LIMCH1: variants seen among roughly 807,000 people sequenced by gnomAD.
LIMCH1 encodes the protein LIM and calponin homology domains 1, also known as LIM and calponin homology domains-containing protein 1.
Under a neutral mutation model 176.5 loss-of-function variants are expected in LIMCH1, and 113 were observed. The observed-to-expected ratio is 0.64, with a 90% CI of 0.55 to 0.75. The LOEUF (loss-of-function observed/expected upper bound fraction) is 0.75. Ranked by LOEUF, LIMCH1 falls within the 30% of genes least tolerant of loss-of-function variation. The pLI, the probability that LIMCH1 is intolerant of heterozygous loss-of-function variation, is 0.00. For synonymous variants in LIMCH1, 619 were observed against 645.9 expected (o/e 0.96, Z 0.63); for missense variants, 1,674 against 1,814.9 (o/e 0.92, Z 1.41).
Position 41,650,739 on chromosome 4 carries a change from G to A in LIMCH1, c.3036+131G>A, listed in dbSNP as rs908977698. 6 of 755,680 alleles carry A rather than the reference G, an allele frequency of 7.9e-6. No homozygotes were observed. The East Asian group carries it at 1.4e-4, about 17-fold the overall frequency. 46.8% of individuals were successfully genotyped at this position (755,680 alleles called of 1,614,324 possible). ...GGCGTATTAGTTTGCTAGGGCTGCTGTAAGTACCACAAACTCAGTGGCTTA... is the reference window on the plus strand; with the variant it reads ...GGCGTATTAGTTTGCTAGGGCTGCTATAAGTACCACAAACTCAGTGGCTTA... On this transcript the variant is annotated intron_variant, in intron 18 of 31. Transcript: ENST00000503057.
chr4:41,464,169 T>C (rs2065771214), intron 1 of LIMCH1, among the ~76,000 whole-genome samples: 1 of 151,482 alleles, frequency 6.6e-6, no homozygotes, highest in Non-Finnish European at 1.5e-5. Context: ...TAGCCAGTTA[T>C]CTCTGCTTGC....
chr4:41,458,257 T>A (rs6447072), intron 1 of LIMCH1, among the ~76,000 whole-genome samples: 33,711 of 152,108 alleles, frequency 0.22, 4,524 homozygotes, highest in South Asian at 0.38. Flanking sequence ...ACATTAATCT[T>A]GCTTCCAATT....
intron 2 of LIMCH1, among the ~76,000 whole-genome samples, chr4:41,500,339 T>C (rs2073044124): frequency 1.3e-5 from 2 of 152,250 alleles, no homozygotes; most frequent in African/African-American, 4.8e-5. Flanking sequence ...TTGTTAGCTG[T>C]CATTCTTGTG....
chr4:41,425,261 C>A (rs1268253150), intron 1 of LIMCH1, among the ~76,000 whole-genome samples: 2 of 152,166 alleles, frequency 1.3e-5, no homozygotes, highest in Non-Finnish European at 2.9e-5. Flanking sequence ...GGGTCTTGAT[C>A]CCATGAACTG....
chr4:41,671,359 CT>C (rs1388424492), intron 21 of LIMCH1, among the ~76,000 whole-genome samples, 194 bp from the exon 22 acceptor site: 2 of 149,578 alleles, frequency 1.3e-5, no homozygotes, highest in Non-Finnish European at 3.0e-5. Context: ...CAGGGGTTGT[CT>C]GCTTTATTAT....
At chr4:41,641,325 T>C (rs146522193) in intron 14 of LIMCH1, among the ~76,000 whole-genome samples, 1 of 152,208 alleles carries the variant, frequency 6.6e-6, no homozygotes. Context: ...CTAGGGAACA[T>C]GTTCTGAATG....
intron 2 of LIMCH1, among the ~76,000 whole-genome samples, chr4:41,516,912 G>A (rs1193775121): frequency 6.6e-6 from 1 of 152,178 alleles, no homozygotes; most frequent in East Asian, 1.9e-4. Context: ...GGATTTTCTT[G>A]GGTACAGTTT....
chr4:41,486,462 T>C (rs2069551666), intron 1 of LIMCH1, among the ~76,000 whole-genome samples: 2 of 152,214 alleles, frequency 1.3e-5, no homozygotes, highest in South Asian at 2.1e-4. Context: ...TTTATAGCAA[T>C]GGCTTATGCT....
At chr4:41,500,110 G>A (rs1375357162) in intron 2 of LIMCH1, among the ~76,000 whole-genome samples, 2 of 152,216 alleles carry the variant, frequency 1.3e-5, no homozygotes, top group Non-Finnish European at 2.9e-5. Context: ...GTAATGTTAT[G>A]AGTGATAATT....
intron 1 of LIMCH1, among the ~76,000 whole-genome samples, chr4:41,544,316 T>A (rs1423311417): frequency 6.6e-6 from 1 of 152,244 alleles, no homozygotes; most frequent in East Asian, 1.9e-4. Flanking sequence ...ACTCTCTGTG[T>A]GTGGGTATAC....
In LIMCH1 at chr4:41,638,951, G is replaced by A. The variant is rs192510661; in HGVS notation, c.2110G>A (p.Val704Met). 20 of 1,592,682 alleles carry A rather than the reference G, an allele frequency of 1.3e-5. No homozygotes were observed. The Admixed American group carries it at 3.7e-4, about 30-fold the overall frequency. Reference sequence around the variant, plus strand: ...TTATAGATACGGTCCGAGAACTCCTGTGTCTGATGACGCAGAGTAAGTTGC... The same window carrying A: ...TTATAGATACGGTCCGAGAACTCCTATGTCTGATGACGCAGAGTAAGTTGC... ...KDQRYGPRTP[V>M]SDDAESTSMF... The change falls in exon 14 of 32, where the codon GTG (valine) becomes ATG (methionine). Residue 704 changes from valine to methionine, a missense_variant. By Grantham distance (21) the Val-to-Met change is conservative. This residue lies in a region of LIMCH1 where 1,015 missense variants were observed against 1,102.5 expected (regional missense o/e 0.92). Coordinates refer to ENST00000503057, the MANE Select transcript of LIMCH1 (RefSeq NM_001330672.2).
intron 3 of LIMCH1, among the ~76,000 whole-genome samples, chr4:41,528,195 A>G (rs907376275): frequency 3.9e-5 from 6 of 152,122 alleles, no homozygotes; most frequent in Admixed American, 3.9e-4. Context: ...AATTTCATAT[A>G]CACATAGAGA....
At chr4:41,658,377 G>A (rs1464613437) in intron 18 of LIMCH1, among the ~76,000 whole-genome samples, 1 of 152,232 alleles carries the variant, frequency 6.6e-6, no homozygotes, top group African/African-American at 2.4e-5. Context: ...GTTATCTGGA[G>A]TTTAGTATTT....
In LIMCH1 at chr4:41,687,937, C is replaced by G. The variant is rs370319918; in HGVS notation, c.4166+20C>G. ...AAACAGGTACAAGAGGTCAGCAGGC[C>G]TTTCTGAGGCTGCTTTGTTATGACT... On this transcript the variant is annotated intron_variant, in intron 29 of 31. Transcript: ENST00000503057. 6 of 1,589,098 alleles carry G rather than the reference C, an allele frequency of 3.8e-6. No individual in the cohort carries two copies. Among genetic ancestry groups the G allele is most frequent in the Non-Finnish European group, 4.3e-6 (5 of 1,157,612 alleles).
chr4:41,620,177 C>A, intron 6 of LIMCH1: 1 of 437,016 alleles, frequency 2.3e-6, no homozygotes, highest in Non-Finnish European at 4.0e-6. Flanking sequence ...TGAAATTTAC[C>A]TTTCCAGCAG....
rs764614853 is a variant in LIMCH1 at position 41,360,909 on chromosome 4, C to T, written c.69C>T (p.Ala23=). 1.3e-6 allele frequency: 2 copies of T among 1,588,480 alleles called. No homozygotes were observed. The highest frequency in any genetic ancestry group is 1.4e-5 in the African/African-American group (1 of 74,042). The stretch of plus-strand genomic sequence containing the variant: ...AGCCCGAGCCGCCCCCCGAGCCCGC[C>T]TTCTCCGAGGCGCAGAAGTGGATTG... The change falls in exon 1 of 27, where the codon GCC becomes GCT. Residue 23 remains alanine, a synonymous_variant. Transcript: ENST00000313860. This position sits in a 1 kb window ranked among gnomAD's most constrained non-coding sequence, Gnocchi z 4.5.
chr4:41,457,270 T>C (rs1367844585), intron 1 of LIMCH1, among the ~76,000 whole-genome samples: 1 of 152,156 alleles, frequency 6.6e-6, no homozygotes, highest in Non-Finnish European at 1.5e-5. Flanking sequence ...GTAATAAATT[T>C]GATTATCTTG....
At chr4:41,589,211 T>A (rs1321764844) in intron 1 of LIMCH1, among the ~76,000 whole-genome samples, 4 of 152,152 alleles carry the variant, frequency 2.6e-5, no homozygotes, top group Admixed American at 2.6e-4. Context: ...GAAGAGGGAC[T>A]AAGGTAAAAG....
At chr4:41,644,657 G>A (rs1194761656) in intron 15 of LIMCH1, 31 bp downstream of exon 15, 1 of 1,587,542 alleles carries the variant, frequency 6.3e-7, no homozygotes, top group Admixed American at 1.7e-5. Context: ...GCGGGCAGCG[G>A]GGAGGCTTCT....
Sources: allele counts gnomAD v4.1 joint callset (sites outside exome capture counted in the v4.1 genomes callset), GRCh38; gene constraint gnomAD v4.1.1; regional missense constraint gnomAD v4.1.1; non-coding constraint Gnocchi (gnomAD v3.1); transcripts MANE v1.5; gene names NCBI Gene and HGNC (gene_info 2026-07-23, HGNC 2026-07-21).